The following ACTL6B variants were observed in gnomAD, a reference collection of about 807,000 sequenced individuals.
ACTL6B encodes actin-like protein 6B.
Under a neutral mutation model 63.3 loss-of-function variants are expected in ACTL6B, and 48 were observed. That is an observed-to-expected ratio of 0.76 (90% CI 0.60 to 0.96). The LOEUF (loss-of-function observed/expected upper bound fraction) is 0.96. Among genes scored for constraint, ACTL6B ranks in the 50% least tolerant of loss-of-function variants. ACTL6B has a pLI of 0.00. For synonymous variants in ACTL6B, 230 were observed against 223.8 expected (o/e 1.03, Z -0.25); for missense variants, 350 against 572.2 (o/e 0.61, Z 3.96).
At chr7:100,643,534 T>C (rs997407478) in intron 13 of ACTL6B, among the ~76,000 whole-genome samples, 2 of 152,152 alleles carry the variant, frequency 1.3e-5, no homozygotes, top group African/African-American at 4.8e-5. Context: ...ATTCAATCAA[T>C]AATTCATTCA....
In ACTL6B at chr7:100,650,039, C is replaced by A. The variant is rs761541597; in HGVS notation, c.466G>T (p.Ala156Ser). 3.1e-6 allele frequency: 5 copies of A among 1,613,364 alleles called. No homozygotes were observed. Among genetic ancestry groups the A allele is most frequent in the Non-Finnish European group, 4.2e-6 (5 of 1,179,806 alleles). Residue 156 changes from alanine (A) to serine (S), a missense_variant and splice_region_variant, in exon 5 of 14, where the codon GCC becomes TCC. By Grantham distance (99) the Ala-to-Ser change is moderately conservative. Around this residue, in one of 3 missense-constraint regions of ACTL6B, gnomAD observed 250 missense variants for 364.7 expected, o/e 0.69. Transcript: ENST00000160382. The part of the protein sequence containing the change: ...FFLCKTAVLT[A>S]FANGRSTGLV... ...AGAGCAGCTCAGTCCAGAGGATACG[C>A]GGTGAGCACAGCCGTCTTGCATAAG...
chr7:100,652,384 T>C (rs1803956084), intron 4 of ACTL6B, among the ~76,000 whole-genome samples: 1 of 142,762 alleles, frequency 7.0e-6, no homozygotes, highest in African/African-American at 2.6e-5. Flanking sequence ...ATCGCACCAC[T>C]GCACTCCAGC....
chr7:100,647,137 C>CGT lies in ACTL6B; in HGVS notation c.822-54_822-53dup. ...CTGGGGTGCTCAAGAAGGATCAGTG[C>CGT]GTGGGCAGCACCAGAGCCCCCCAGC... On this transcript the variant is annotated intron_variant, in intron 9 of 13. Coordinates refer to ENST00000160382, the MANE Select transcript of ACTL6B (RefSeq NM_016188.5). This position sits in a 1 kb window ranked among gnomAD's most constrained non-coding sequence, Gnocchi z 4.4. 1 of 1,610,214 alleles carries CGT rather than the reference C, an allele frequency of 6.2e-7. No individual in the cohort carries two copies. Among genetic ancestry groups the CGT allele is most frequent in the Non-Finnish European group, 8.5e-7 (1 of 1,176,748 alleles).
chr7:100,646,489 C>T lies in ACTL6B; in HGVS notation c.1113+62G>A. 6.3e-7 allele frequency: 1 copy of T among 1,579,182 alleles called. No individual in the cohort carries two copies. Among genetic ancestry groups the T allele is most frequent in the Non-Finnish European group, 8.7e-7 (1 of 1,149,066 alleles). On this transcript the variant is annotated intron_variant, in intron 12 of 13. Transcript: ENST00000160382. This position sits in a 1 kb window ranked among gnomAD's most constrained non-coding sequence, Gnocchi z 6.1. The stretch of plus-strand genomic sequence containing the variant: ...AGGACATGGGAAGGATGAAGGGACT[C>T]AGTCCTGGACAGCTGAGCCAGGACG...
Position 100,650,322 on chromosome 7 carries a change from G to GCA in ACTL6B, c.370-189_370-188dup, listed in dbSNP as rs141744248. Among the ~76,000 whole-genome samples the GCA allele has an allele frequency of 2.8e-3, 422 of 149,600 alleles. 1 individual carries two copies. Among genetic ancestry groups the GCA allele is most frequent in the Middle Eastern group, 0.014 (4 of 292 alleles). ...CGGTCATACACACATGCATTCACTT[G>GCA]CACACACACACACATACACTCAAAC... On this transcript the variant is annotated intron_variant, in intron 4 of 13. Transcript: ENST00000160382.
intron 5 of ACTL6B, 72 bp downstream of exon 5, chr7:100,649,963 CTCA>C (rs1047095598): frequency 4.3e-5 from 59 of 1,370,048 alleles, no homozygotes; most frequent in Non-Finnish European, 4.9e-5. Flanking sequence ...GACCCTCCAG[CTCA>C]TCACAGCTGA....
At chr7:100,644,383 C>G (rs1803781058) in intron 13 of ACTL6B, among the ~76,000 whole-genome samples, 1 of 152,148 alleles carries the variant, frequency 6.6e-6, no homozygotes. Context: ...ATGCAGTGGC[C>G]ACTAGCTTCC....
At position 100,655,605 on chromosome 7, in the gene ACTL6B, G is replaced by A. The variant is rs763668620; in HGVS notation, c.103-19C>T. On this transcript the variant is annotated intron_variant, in intron 2 of 13. Coordinates refer to ENST00000160382, the MANE Select transcript of ACTL6B (RefSeq NM_016188.5). The surrounding 1 kb of genome is among the most constrained non-coding windows in gnomAD (Gnocchi z 4.4). ...AGTCAGCCTGGTGGGGAAGGGTTGG[G>A]GGAGTATTGGCAGGGAGAGAGGTCA... The A allele has an allele frequency of 6.2e-6, 10 of 1,605,478 alleles. No homozygotes were observed. The highest frequency in any genetic ancestry group is 4.5e-5 in the East Asian group (2 of 44,852).
chr7:100,655,743 G>A lies in ACTL6B; in HGVS notation c.102+60C>T. On this transcript the variant is annotated intron_variant, in intron 2 of 13. Coordinates refer to ENST00000160382, the MANE Select transcript of ACTL6B (RefSeq NM_016188.5). This position sits in a 1 kb window ranked among gnomAD's most constrained non-coding sequence, Gnocchi z 4.4. The stretch of plus-strand genomic sequence containing the variant: ...CGATCTGGGAGAGCCCTGGGTCACT[G>A]GAAAGCCTGAAGAAGGGTCCGAAGC... 6.5e-7 allele frequency: 1 copy of A among 1,536,274 alleles called. No homozygotes were observed. The highest frequency in any genetic ancestry group is 1.2e-5 in the South Asian group (1 of 82,904).
rs746455277 is a variant in ACTL6B at position 100,656,386 on chromosome 7, C to A, written c.-32G>T. On this transcript the variant is annotated 5_prime_UTR_variant, in exon 1 of 14. Transcript: ENST00000160382. Reference sequence around the variant, plus strand: ...CGCTGCGCTGCTAGCGGCCCGTGGGCGGTGGCGGGATCAGCACCGAGGCGG... The same window carrying A: ...CGCTGCGCTGCTAGCGGCCCGTGGGAGGTGGCGGGATCAGCACCGAGGCGG... 24 of 1,313,938 alleles carry A rather than the reference C, an allele frequency of 1.8e-5. No homozygotes were observed. In the South Asian group the frequency reaches 3.7e-4, roughly 20 times the overall value. 81.4% of individuals were successfully genotyped at this position (1,313,938 alleles called of 1,614,324 possible).
Position 100,646,293 on chromosome 7 carries a change from G to A in ACTL6B, c.1156C>T (p.Arg386Cys). 8 of 1,614,146 alleles carry A rather than the reference G, an allele frequency of 5.0e-6. No homozygotes were observed. Among genetic ancestry groups the A allele is most frequent in the Non-Finnish European group, 6.8e-6 (8 of 1,180,024 alleles). ...CCCCCGATCCAGGGGCTGAACTTGC[G>A]CTCCATGGTGCTGTTGCTGGCAATG... ...KLIASNSTME[R>C]KFSPWIGGSI... Residue 386 changes from arginine (R) to cysteine (C), a missense_variant, in exon 13 of 14, where the codon CGC (arginine) becomes TGC (cysteine). Physicochemically the swap from Arg to Cys is radical, Grantham distance 180 (BLOSUM62 -3). Coordinates refer to ENST00000160382, the MANE Select transcript of ACTL6B (RefSeq NM_016188.5). The surrounding 1 kb of genome is among the most constrained non-coding windows in gnomAD (Gnocchi z 6.1).
In ACTL6B at chr7:100,647,351, C is replaced by T. The variant is rs779400172; in HGVS notation, c.760-67G>A. 1 of 1,601,352 alleles carries T rather than the reference C, an allele frequency of 6.2e-7. No homozygotes were observed. The highest frequency in any genetic ancestry group is 2.2e-5 in the East Asian group (1 of 44,828). ...GAGCAGCACCCCCTGCCCCGCTCCC[C>T]CTCCCTGCTCCCCCTCCCATGCGGG... On this transcript the variant is annotated intron_variant, in intron 8 of 13. Transcript: ENST00000160382. The surrounding 1 kb of genome is among the most constrained non-coding windows in gnomAD (Gnocchi z 4.4).
Position 100,655,450 on chromosome 7 carries a change from T to C in ACTL6B, c.239A>G (p.Glu80Gly). 1 of 1,614,088 alleles carries C rather than the reference T, an allele frequency of 6.2e-7. No homozygotes were observed. The highest frequency in any genetic ancestry group is 8.5e-7 in the Non-Finnish European group (1 of 1,179,998). ...GCCATTCTTGAGGGGCGACATGACCTCCGCTCCATCCCGAGGCACGTGCAG... is the reference window on the plus strand; with the variant it reads ...GCCATTCTTGAGGGGCGACATGACCCCCGCTCCATCCCGAGGCACGTGCAG... The part of the protein sequence containing the change: ...NALHVPRDGA[E>G]VMSPLKNGMI... Residue 80 changes from glutamate (E) to glycine (G), a missense_variant, in exon 3 of 14, where the codon GAG (glutamate) becomes GGG (glycine). This residue lies in a region of ACTL6B where 250 missense variants were observed against 364.7 expected (regional missense o/e 0.69). Coordinates refer to ENST00000160382, the MANE Select transcript of ACTL6B (RefSeq NM_016188.5). The surrounding 1 kb of genome is among the most constrained non-coding windows in gnomAD (Gnocchi z 4.4).
At position 100,651,729 on chromosome 7, in the gene ACTL6B, A is replaced by G. The variant is rs180706068; in HGVS notation, c.370-1594T>C. Among the ~76,000 whole-genome samples, 171 of 152,048 alleles carry G rather than the reference A, an allele frequency of 1.1e-3. 1 individual carries two copies. The South Asian group carries it at 0.015, about 14-fold the overall frequency. ...CTTCCGAGTAGCTGGTACTACAAGCATGCACCACCATGGCCAGCTAATTTT... is the reference window on the plus strand; with the variant it reads ...CTTCCGAGTAGCTGGTACTACAAGCGTGCACCACCATGGCCAGCTAATTTT... On this transcript the variant is annotated intron_variant, in intron 4 of 13. Coordinates refer to ENST00000160382, the MANE Select transcript of ACTL6B (RefSeq NM_016188.5).
chr7:100,646,685 C>T lies in ACTL6B; in HGVS notation c.1018-39G>A, dbSNP rs2131333346. 1 of 1,613,284 alleles carries T rather than the reference C, an allele frequency of 6.2e-7. No homozygotes were observed. ...GAAGGAGTGAGCTGCGGGGGCAGCCCCCCAACCCCGTCTCCCCACTTCCCC... is the reference window on the plus strand; with the variant it reads ...GAAGGAGTGAGCTGCGGGGGCAGCCTCCCAACCCCGTCTCCCCACTTCCCC... On this transcript the variant is annotated intron_variant, in intron 11 of 13. Transcript: ENST00000160382. This position sits in a 1 kb window ranked among gnomAD's most constrained non-coding sequence, Gnocchi z 6.1.
At chr7:100,654,432 C>CATCATAATA (rs370094908) in intron 4 of ACTL6B, among the ~76,000 whole-genome samples, 1 of 137,438 alleles carries the variant, frequency 7.3e-6, no homozygotes, top group Non-Finnish European at 1.6e-5. Context: ...CAAAGTTGAC[C>CATCATAATA]ATAATAATAA....
Position 100,647,261 on chromosome 7 carries a change from G to A in ACTL6B, c.783C>T (p.Ala261=). ...GGGAGTCTGAGACCTGCAGCACGGA[G>A]GCCTGGAAGTCCTGGATCACCTCCT... ...MCNEVIQDFQ[A]SVLQVSDSPY... is the part of the protein sequence containing the mutation. The change falls in exon 9 of 14, where the codon GCC becomes GCT. Residue 261 remains alanine, a synonymous_variant. Transcript: ENST00000160382. The surrounding 1 kb of genome is among the most constrained non-coding windows in gnomAD (Gnocchi z 4.4). 6.2e-7 allele frequency: 1 copy of A among 1,613,420 alleles called. No homozygotes were observed. Among genetic ancestry groups the A allele is most frequent in the East Asian group, 2.2e-5 (1 of 44,846 alleles).
At position 100,655,058 on chromosome 7, in the gene ACTL6B, A is replaced by G; in HGVS notation, c.330T>C (p.Ser110=). The G allele has an allele frequency of 6.2e-7, 1 of 1,614,128 alleles. No homozygotes were observed. Among genetic ancestry groups the G allele is most frequent in the Non-Finnish European group, 8.5e-7 (1 of 1,180,028 alleles). The change falls in exon 4 of 14, where the codon TCT becomes TCC. Residue 110 remains serine, a synonymous_variant. Coordinates refer to ENST00000160382, the MANE Select transcript of ACTL6B (RefSeq NM_016188.5). The surrounding 1 kb of genome is among the most constrained non-coding windows in gnomAD (Gnocchi z 4.4). ...LDHTYSKHVK[S]EPNLHPVLMS... ...TGAGCACTGGGTGCAGGTTTGGCTC[A>G]GACTTGACGTGTTTGCTGTAGGTGT...
At chr7:100,649,266 A>G (rs1371432146) in intron 5 of ACTL6B, among the ~76,000 whole-genome samples, 1 of 150,416 alleles carries the variant, frequency 6.6e-6, no homozygotes, top group Non-Finnish European at 1.5e-5. Context: ...TGCCGGGATT[A>G]CAGGCATGAG....
Sources: allele counts gnomAD v4.1 joint callset (sites outside exome capture counted in the v4.1 genomes callset), GRCh38; gene constraint gnomAD v4.1.1; regional missense constraint gnomAD v4.1.1; non-coding constraint Gnocchi (gnomAD v3.1); transcripts MANE v1.5; gene names NCBI Gene and HGNC (gene_info 2026-07-23, HGNC 2026-07-21).